KCNH3: variants seen among roughly 807,000 people sequenced by gnomAD.
The protein encoded by KCNH3 is potassium voltage-gated channel subfamily H member 3.
KCNH3 carries 36 observed loss-of-function variants against 95.6 expected under a neutral mutation model. The ratio of observed to expected loss-of-function variants is 0.38; its 90% CI spans 0.29 to 0.50. KCNH3 has a LOEUF of 0.50. KCNH3 is among the 20% of genes least tolerant of loss of function. The pLI, the probability that KCNH3 is intolerant of heterozygous loss-of-function variation, is 0.95. For synonymous variants in KCNH3, 620 were observed against 646.3 expected (o/e 0.96, Z 0.62); for missense variants, 1,030 against 1,484.1 (o/e 0.69, Z 5.03).
intron 13 of KCNH3, 34 bp from the exon 14 acceptor site, chr12:49,557,149 G>T: frequency 6.2e-7 from 1 of 1,611,374 alleles, no homozygotes; most frequent in Non-Finnish European, 8.5e-7. Context: ...CCTCTTACCA[G>T]CCCCAGCTGA....
intron 3 of KCNH3, 25 bp downstream of exon 3, chr12:49,541,789 C>T (rs1267977036): frequency 1.2e-5 from 20 of 1,612,868 alleles, no homozygotes; most frequent in East Asian, 4.5e-5. Context: ...GTGCTGTGGT[C>T]GGGGTATTGG....
chr12:49,543,875 C>G (rs749110669), intron 5 of KCNH3, 40 bp from the exon 6 acceptor site: 20 of 1,583,800 alleles, frequency 1.3e-5, no homozygotes, highest in Non-Finnish European at 1.6e-5. Context: ...GTGGCTGCCC[C>G]CCCAGCCCCA....
chr12:49,549,948 TGA>T, intron 9 of KCNH3, 130 bp from the exon 10 acceptor site: 2 of 978,362 alleles, frequency 2.0e-6, no homozygotes, highest in East Asian at 5.3e-5. Flanking sequence ...CTTGGAGTTG[TGA>T]GAGAGGCCTC....
In KCNH3 at chr12:49,557,518, T is replaced by C; in HGVS notation, c.2817T>C (p.Cys939=). The stretch of plus-strand genomic sequence containing the variant: ...CCTCCGGGCTTCTGCAGCCTCTGTG[T>C]GTGGACACTGGGGCATCCTCCTACT... ...ASTSGLLQPL[C]VDTGASSYCL... is the part of the protein sequence containing the mutation. Residue 939 remains cysteine (C), a synonymous_variant, in exon 15 of 15, where the codon TGT becomes TGC. Coordinates refer to ENST00000257981, the MANE Select transcript of KCNH3 (RefSeq NM_012284.3). 1 of 1,611,782 alleles carries C rather than the reference T, an allele frequency of 6.2e-7. No homozygotes were observed. Among genetic ancestry groups the C allele is most frequent in the Non-Finnish European group, 8.5e-7 (1 of 1,179,952 alleles).
chr12:49,553,545 A>G (rs187071612), intron 10 of KCNH3, among the ~76,000 whole-genome samples: 21 of 152,312 alleles, frequency 1.4e-4, no homozygotes, highest in African/African-American at 4.8e-4. Flanking sequence ...TAGCCTCAAC[A>G]TGTCCCTGGA....
chr12:49,549,355 C>G, intron 8 of KCNH3, 86 bp from the exon 9 acceptor site: 1 of 1,524,822 alleles, frequency 6.6e-7, no homozygotes, highest in Non-Finnish European at 9.0e-7. Flanking sequence ...TGCCTAGGAG[C>G]GTGCGGGCCG....
At chr12:49,554,980 G>T (rs1938384157) in intron 11 of KCNH3, among the ~76,000 whole-genome samples, 1 of 152,066 alleles carries the variant, frequency 6.6e-6, no homozygotes, top group African/African-American at 2.4e-5. Context: ...GAATTTCCCT[G>T]GATTGTCACT....
chr12:49,557,102 A>C, intron 13 of KCNH3, 81 bp from the exon 14 acceptor site: 1 of 1,348,520 alleles, frequency 7.4e-7, no homozygotes, highest in South Asian at 1.2e-5. Context: ...AATGTGCTCT[A>C]ACTGGGGCAA....
rs776290744 is a variant in KCNH3 at position 49,556,427 on chromosome 12, C to T, written c.2526C>T (p.Arg842=). ...CGGACCAGCCCAAGTTCTCTTTCCG[C>T]GTGGGCCAGTCTGGCCCGGAATGTA... ...CGSDQPKFSF[R]VGQSGPECSS... is the part of the protein sequence containing the mutation. Residue 842 remains arginine (R), a synonymous_variant, in exon 13 of 15, where the codon CGC becomes CGT. Transcript: ENST00000257981. 1.2e-5 allele frequency: 19 copies of T among 1,613,918 alleles called. No homozygotes were observed. The highest frequency in any genetic ancestry group is 6.7e-5 in the Admixed American group (4 of 59,996).
rs539592654 is a variant in KCNH3, at chr12:49,558,044, C to T, written c.*91C>T. The T allele has an allele frequency of 8.3e-5, 114 of 1,370,306 alleles. No individual in the cohort carries two copies. In the East Asian group the frequency reaches 2.2e-3, roughly 26 times the overall value. The allele number at this position is 1,370,306 out of a possible 1,614,324, so 84.9% of individuals were successfully genotyped here. ...TGAAGGCAGGGTGGCAGCCTCCCCACGGACTCCATGCGGCCCGCTGGCTCA... is the reference window on the plus strand; with the variant it reads ...TGAAGGCAGGGTGGCAGCCTCCCCATGGACTCCATGCGGCCCGCTGGCTCA... On this transcript the variant is annotated 3_prime_UTR_variant, in exon 15 of 15. Coordinates refer to ENST00000257981, the MANE Select transcript of KCNH3 (RefSeq NM_012284.3).
At position 49,557,803 on chromosome 12, in the gene KCNH3, C is replaced by T. The variant is rs1938529636; in HGVS notation, c.3102C>T (p.Ser1034=). ...GGACTGGGCCCGCAGAGCCTGTGAG[C>T]CAGGCTGAGGCTACCAGCACTGGAG... is the stretch of plus-strand genomic sequence containing the variant. ...GARTGPAEPV[S]QAEATSTGEP... is the part of the protein sequence containing the mutation. The change falls in exon 15 of 15, where the codon AGC becomes AGT. Residue 1034 remains serine, a synonymous_variant. Transcript: ENST00000257981. 1.9e-6 allele frequency: 3 copies of T among 1,605,046 alleles called. No individual in the cohort carries two copies. The highest frequency in any genetic ancestry group is 8.5e-7 in the Non-Finnish European group (1 of 1,174,234).
chr12:49,542,916 C>T, intron 4 of KCNH3, 77 bp downstream of exon 4: 1 of 1,535,464 alleles, frequency 6.5e-7, no homozygotes, highest in South Asian at 1.2e-5. Context: ...TGATCTACCA[C>T]AGAGAGAATG....
intron 11 of KCNH3, 107 bp downstream of exon 11, chr12:49,554,661 T>A: frequency 1.0e-6 from 1 of 979,594 alleles, no homozygotes; most frequent in Non-Finnish European, 1.5e-6. Flanking sequence ...TGTGGCCTGG[T>A]ATGAAAGCTC....
intron 4 of KCNH3, 22 bp from the exon 5 acceptor site, chr12:49,543,253 G>A: frequency 1.2e-6 from 2 of 1,610,662 alleles, no homozygotes; most frequent in Non-Finnish European, 1.7e-6. Flanking sequence ...CTCTCTGCCT[G>A]GACCTGCCCT....
intron 4 of KCNH3, 30 bp downstream of exon 4, chr12:49,542,869 G>A: frequency 6.3e-7 from 1 of 1,599,090 alleles, no homozygotes; most frequent in Non-Finnish European, 8.5e-7. Flanking sequence ...GTGTGGGAGA[G>A]GGGAGGGGCA....
intron 10 of KCNH3, among the ~76,000 whole-genome samples, chr12:49,551,590 A>AAAAAAAAAG (rs1938263342): frequency 6.6e-6 from 1 of 151,412 alleles, no homozygotes; most frequent in Admixed American, 6.6e-5. Flanking sequence ...AAAAAAAAAA[A>AAAAAAAAAG]AAAAAAAAGA....
At chr12:49,543,568 C>CT in intron 5 of KCNH3, 50 bp downstream of exon 5, 1 of 1,570,460 alleles carries the variant, frequency 6.4e-7, no homozygotes, top group Non-Finnish European at 8.6e-7. Flanking sequence ...CGCCCTGGGG[C>CT]TTTGCTGGGG....
At chr12:49,543,046 A>G (rs962586140) in intron 4 of KCNH3, among the ~76,000 whole-genome samples, 9 of 152,188 alleles carry the variant, frequency 5.9e-5, no homozygotes, top group Admixed American at 1.3e-4. Context: ...CCTTGGTTCA[A>G]TCCTGGCTCC....
At position 49,549,659 on chromosome 12, in the gene KCNH3, G is replaced by C; in HGVS notation, c.1668+19G>C. ...CACCGAGGTGCGGCCTCCGGGGCTG[G>C]GCCTGCTAGCCTTTGCTCCCTCAGG... On this transcript the variant is annotated intron_variant, in intron 9 of 14. Transcript: ENST00000257981. 6.3e-7 allele frequency: 1 copy of C among 1,599,994 alleles called. No homozygotes were observed. The highest frequency in any genetic ancestry group is 2.2e-5 in the East Asian group (1 of 44,528).
Sources: gnomAD v4.1 joint callset for allele counts (sites outside exome capture counted in the v4.1 genomes callset) on GRCh38, gnomAD v4.1.1 for gene constraint, MANE v1.5 for transcripts, NCBI Gene and HGNC (gene_info 2026-07-23, HGNC 2026-07-21) for gene names.